Variants in TCF7L1 observed in about 807,000 individuals in gnomAD.
The protein encoded by TCF7L1 is transcription factor 7-like 1.
TCF7L1 carries 18 observed loss-of-function variants against 63.7 expected under a neutral mutation model. The observed-to-expected ratio is 0.28, with a 90% CI of 0.20 to 0.42. The LOEUF is 0.42. Ranked by LOEUF, TCF7L1 falls within the 10% of genes least tolerant of loss-of-function variation. The pLI is 1.00. For synonymous variants in TCF7L1, 355 were observed against 340.9 expected, an observed-to-expected ratio of 1.04 and a Z score of -0.46; for missense variants, 654 against 779.3, an observed-to-expected ratio of 0.84 and a Z score of 1.91.
At chr2:85,211,966 T>A (rs1459362840) in intron 3 of TCF7L1, among the ~76,000 whole-genome samples, 2 of 151,870 alleles carry the variant, frequency 1.3e-5, no homozygotes, top group Non-Finnish European at 2.9e-5. Context: ...GGCACGCGCC[T>A]GTAATCCCAG....
At chr2:85,215,227 G>C (rs117047095) in intron 3 of TCF7L1, among the ~76,000 whole-genome samples, 2 of 152,338 alleles carry the variant, frequency 1.3e-5, no homozygotes, top group East Asian at 3.9e-4. Context: ...GTGAACTCTT[G>C]AGTGTTCTTT....
chr2:85,222,529 G>C (rs1347687121), intron 3 of TCF7L1, among the ~76,000 whole-genome samples: 1 of 151,628 alleles, frequency 6.6e-6, no homozygotes, highest in African/African-American at 2.4e-5. Context: ...AATTAGCCCG[G>C]CACAGGGGTA....
intron 4 of TCF7L1, among the ~76,000 whole-genome samples, chr2:85,291,104 G>A (rs530485689): frequency 1.3e-5 from 2 of 152,192 alleles, no homozygotes; most frequent in Non-Finnish European, 2.9e-5. Flanking sequence ...TTCTGCTGAG[G>A]TGGTTGGTTG....
chr2:85,157,205 G>A (rs1348303531), intron 3 of TCF7L1, among the ~76,000 whole-genome samples: 1 of 152,192 alleles, frequency 6.6e-6, no homozygotes, highest in African/African-American at 2.4e-5. Flanking sequence ...TGTTCCTAAT[G>A]TCACAAAGCT....
At chr2:85,304,106 C>T in intron 6 of TCF7L1, 109 bp downstream of exon 6, 1 of 1,165,878 alleles carries the variant, frequency 8.6e-7, no homozygotes, top group Non-Finnish European at 1.3e-6. Flanking sequence ...AAGCCCAGGA[C>T]TAGGCCTCCC....
chr2:85,200,620 T>C (rs1679251093), intron 3 of TCF7L1, among the ~76,000 whole-genome samples: 1 of 152,220 alleles, frequency 6.6e-6, no homozygotes, highest in Middle Eastern at 3.2e-3. Flanking sequence ...GTCATGACTC[T>C]TCTCTTTTCT....
chr2:85,304,861 A>C (rs1340006830), intron 7 of TCF7L1, among the ~76,000 whole-genome samples: 1 of 152,170 alleles, frequency 6.6e-6, no homozygotes, highest in Non-Finnish European at 1.5e-5. Flanking sequence ...TTTTCCTGAA[A>C]TGATGTCAGG....
At chr2:85,187,705 A>G (rs990609810) in intron 3 of TCF7L1, among the ~76,000 whole-genome samples, 2 of 152,232 alleles carry the variant, frequency 1.3e-5, no homozygotes, top group East Asian at 1.9e-4. Context: ...TACCAAGACC[A>G]TGCTGTCACA....
intron 3 of TCF7L1, among the ~76,000 whole-genome samples, chr2:85,211,530 G>A (rs1679540120): frequency 6.6e-6 from 1 of 152,188 alleles, no homozygotes; most frequent in South Asian, 2.1e-4. Context: ...TTCCAGGAGG[G>A]GCAACAGCTA....
chr2:85,158,272 C>T lies in TCF7L1; in HGVS notation c.441+23822C>T, dbSNP rs114278116. On this transcript the variant is annotated intron_variant, in intron 3 of 11. Coordinates refer to ENST00000282111, the MANE Select transcript of TCF7L1 (RefSeq NM_031283.3). ...TGGTAAATGACTTCATTTAACTTCC[C>T]GTGCCCACCAGCATGGCACTTTAGA... is the stretch of plus-strand genomic sequence containing the variant. 1.6e-3 allele frequency among the ~76,000 whole-genome samples: 249 copies of T among 152,294 alleles called. 1 individual carries two copies. The highest frequency in any genetic ancestry group is 5.7e-3 in the African/African-American group (238 of 41,564).
intron 3 of TCF7L1, among the ~76,000 whole-genome samples, chr2:85,264,647 G>A (rs883651): frequency 0.46 from 69,775 of 151,986 alleles, 16,591 homozygotes; most frequent in Non-Finnish European, 0.53. Context: ...CAGTCAGGAA[G>A]TGACAGGGGA....
At chr2:85,228,143 G>C (rs1679999766) in intron 3 of TCF7L1, among the ~76,000 whole-genome samples, 1 of 152,122 alleles carries the variant, frequency 6.6e-6, no homozygotes, top group Non-Finnish European at 1.5e-5. Flanking sequence ...TAGGAGACTG[G>C]GTGTGGTGGC....
At chr2:85,281,158 G>A (rs376002831) in intron 3 of TCF7L1, among the ~76,000 whole-genome samples, 42 of 151,958 alleles carry the variant, frequency 2.8e-4, no homozygotes, top group African/African-American at 9.2e-4. Context: ...CAAGAAGGTG[G>A]GACTACAGGC....
intron 3 of TCF7L1, among the ~76,000 whole-genome samples, chr2:85,174,718 G>A (rs1678635588): frequency 6.6e-6 from 1 of 152,158 alleles, no homozygotes; most frequent in Non-Finnish European, 1.5e-5. Flanking sequence ...GACTCCGCCT[G>A]ACAACCATCA....
intron 3 of TCF7L1, among the ~76,000 whole-genome samples, chr2:85,175,741 C>G (rs1282498820): frequency 2.0e-5 from 3 of 152,182 alleles, no homozygotes; most frequent in Admixed American, 1.3e-4. Flanking sequence ...CTGGGAATGA[C>G]AGGAAGAGGG....
At chr2:85,308,969 C>G (rs1451115037) in intron 11 of TCF7L1, 60 bp from the exon 12 acceptor site, 2 of 1,513,566 alleles carry the variant, frequency 1.3e-6, no homozygotes, top group Non-Finnish European at 1.8e-6. Flanking sequence ...AGGGCTGTTC[C>G]TCAGCCTCCT....
chr2:85,280,151 A>G (rs1385204268), intron 3 of TCF7L1, among the ~76,000 whole-genome samples: 6 of 152,132 alleles, frequency 3.9e-5, no homozygotes, highest in Non-Finnish European at 7.4e-5. Flanking sequence ...AGTGATTCTC[A>G]GTTGCGGGAG....
chr2:85,268,025 T>G (rs1005026194), intron 3 of TCF7L1, among the ~76,000 whole-genome samples: 3 of 152,154 alleles, frequency 2.0e-5, no homozygotes, highest in African/African-American at 7.2e-5. Context: ...CTACAAAAGA[T>G]TAGAATGTTT....
intron 3 of TCF7L1, among the ~76,000 whole-genome samples, chr2:85,177,627 C>T (rs1678709574): frequency 6.6e-6 from 1 of 152,144 alleles, no homozygotes; most frequent in Non-Finnish European, 1.5e-5. Flanking sequence ...ATTGCTTGAG[C>T]CCAGGAGTTT....
Sources: gnomAD v4.1 joint callset for allele counts (sites outside exome capture counted in the v4.1 genomes callset) on GRCh38, gnomAD v4.1.1 for gene constraint, MANE v1.5 for transcripts, NCBI Gene and HGNC (gene_info 2026-07-23, HGNC 2026-07-21) for gene names.